The following MAPK6 variants were observed in gnomAD, a reference collection of about 807,000 sequenced individuals.
The protein encoded by MAPK6 is ERK-3.
In MAPK6, 19 loss-of-function variants were observed where a neutral mutation model predicts 59.3. That is an observed-to-expected ratio of 0.32 (90% CI 0.22 to 0.47). The LOEUF (loss-of-function observed/expected upper bound fraction) is 0.47, where lower values mean the gene tolerates loss of function less well. Among genes scored for constraint, MAPK6 ranks in the 20% least tolerant of loss-of-function variants. MAPK6 has a pLI of 1.00. For missense variants in MAPK6, 724 were observed against 847.9 expected, an observed-to-expected ratio of 0.85 and a Z score of 1.81; for synonymous variants, 316 against 290.3, an observed-to-expected ratio of 1.09 and a Z score of -0.90.
chr15:52,032,331 C>T (rs1434717492), intron 1 of MAPK6, among the ~76,000 whole-genome samples: 1 of 151,038 alleles, frequency 6.6e-6, no homozygotes, highest in African/African-American at 2.4e-5. Context: ...GCTGGGATTA[C>T]AGTCATGTGC....
At position 52,061,460 on chromosome 15, in the gene MAPK6, C is replaced by T; in HGVS notation, c.1027C>T (p.Leu343Phe). The part of the protein sequence containing the change: ...HIEDEVDDIL[L>F]MDETHSHIYN... ...TGAAGATGAAGTTGATGATATTTTG[C>T]TTATGGATGAAACTCACAGTCACAT... The change falls in exon 5 of 6, where the codon CTT becomes TTT. Residue 343 changes from leucine to phenylalanine, a missense_variant. Around this residue, in one of 4 missense-constraint regions of MAPK6, gnomAD observed 502 missense variants for 507.6 expected, o/e 0.99. Transcript: ENST00000261845. 6 of 1,613,658 alleles carry T rather than the reference C, an allele frequency of 3.7e-6. No individual in the cohort carries two copies. Among genetic ancestry groups the T allele is most frequent in the Non-Finnish European group, 5.1e-6 (6 of 1,179,674 alleles).
chr15:52,016,070 G>GCACA (rs1175427042), upstream of MAPK6, among the ~76,000 whole-genome samples: 6,860 of 55,224 alleles, frequency 0.12, 611 homozygotes, highest in Middle Eastern at 0.29. Flanking sequence ...GCGCGCGCGC[G>GCACA]CACACACACA....
chr15:52,061,346 T>A lies in MAPK6; in HGVS notation c.913T>A (p.Leu305Ile). Residue 305 changes from leucine (L) to isoleucine (I), a missense_variant, in exon 5 of 6, where the codon TTA becomes ATA. Coordinates refer to ENST00000261845, the MANE Select transcript of MAPK6 (RefSeq NM_002748.4). ...TTTGACATTTAGCCCCATGGATCGG[T>A]TAACAGCAGAAGAAGCACTCTCCCA... ...QILTFSPMDR[L>I]TAEEALSHPY... The A allele has an allele frequency of 6.2e-7, 1 of 1,614,114 alleles. No individual in the cohort carries two copies. The highest frequency in any genetic ancestry group is 8.5e-7 in the Non-Finnish European group (1 of 1,179,988).
chr15:51,987,636 C>T (rs1473274075), intron 2 of MAPK6, among the ~76,000 whole-genome samples: 4 of 151,844 alleles, frequency 2.6e-5, no homozygotes, highest in Admixed American at 2.0e-4. Context: ...ATAAAATCTA[C>T]ATACTCAGTA....
chr15:52,009,812 G>A lies in MAPK6; in HGVS notation c.-632+5410G>A, dbSNP rs370121690. 7.9e-5 allele frequency among the ~76,000 whole-genome samples: 12 copies of A among 151,732 alleles called. 1 individual carries two copies. The highest frequency in any genetic ancestry group is 1.9e-4 in the East Asian group (1 of 5,176). On this transcript the variant is annotated intron_variant, in intron 3 of 7. Coordinates refer to the MAPK6 transcript ENST00000691380. The stretch of plus-strand genomic sequence containing the variant: ...TTTTGAGACAGAGTCTTGCTCTGTC[G>A]CCCAGGCTAGAGTGCAGTGGTGCTA...
intron 2 of MAPK6, among the ~76,000 whole-genome samples, chr15:51,999,288 C>T (rs1040792939): frequency 6.6e-6 from 1 of 152,084 alleles, no homozygotes; most frequent in Non-Finnish European, 1.5e-5. Context: ...TGTGAGCCAC[C>T]GCGCCCAGCC....
chr15:52,040,346 A>G (rs2031378155), intron 1 of MAPK6, among the ~76,000 whole-genome samples: 1 of 152,194 alleles, frequency 6.6e-6, no homozygotes, highest in African/African-American at 2.4e-5. Context: ...TCACTTGACT[A>G]TGGAGAAGAG....
intron 1 of MAPK6, among the ~76,000 whole-genome samples, chr15:52,023,658 C>T (rs1052688517): frequency 1.3e-5 from 2 of 152,254 alleles, no homozygotes; most frequent in Non-Finnish European, 2.9e-5. Flanking sequence ...TGTTGCCAGG[C>T]TGGAGCGCAG....
At chr15:51,982,491 TAC>T (rs1296139234) in intron 1 of MAPK6, among the ~76,000 whole-genome samples, 8 of 152,146 alleles carry the variant, frequency 5.3e-5, no homozygotes, top group Non-Finnish European at 7.4e-5. Context: ...TAAAATGAGG[TAC>T]ACACACATAC....
intron 5 of MAPK6, among the ~76,000 whole-genome samples, chr15:52,063,430 T>A (rs112977130): frequency 4.0e-4 from 61 of 152,328 alleles, no homozygotes; most frequent in African/African-American, 1.4e-3. Context: ...ATTATACATG[T>A]CAGTAATAGG....
chr15:52,060,418 A>C (rs943660925), intron 4 of MAPK6, among the ~76,000 whole-genome samples: 1 of 152,210 alleles, frequency 6.6e-6, no homozygotes. Context: ...ATGATAAAGA[A>C]GACCGAGAGC....
intron 2 of MAPK6, 91 bp downstream of exon 2, chr15:52,047,106 A>G: frequency 1.0e-6 from 1 of 953,426 alleles, no homozygotes; most frequent in Non-Finnish European, 1.5e-6. Flanking sequence ...ATTGTGGCAG[A>G]ATTTTTAATC....
chr15:52,010,851 A>G (rs1376496649), intron 3 of MAPK6: 1 of 152,190 alleles, frequency 6.6e-6, no homozygotes, highest in East Asian at 1.9e-4. Context: ...ATCCAATTAA[A>G]TGTGGGATCC....
At chr15:52,058,589 T>C in intron 3 of MAPK6, 44 bp from the exon 4 acceptor site, 1 of 1,495,236 alleles carries the variant, frequency 6.7e-7, no homozygotes, top group Non-Finnish European at 9.0e-7. Flanking sequence ...GTGAAATAAG[T>C]AAACATTGAG....
chr15:52,019,629 T>TGGGGTCCCCGCGTGGGGCC (rs1333831246), intron 1 of MAPK6, among the ~76,000 whole-genome samples: 5 of 146,136 alleles, frequency 3.4e-5, no homozygotes, highest in African/African-American at 7.4e-5. Flanking sequence ...GGCGGCGGGC[T>TGGGGTCCCCGCGTGGGGCC]GGGGTCCCCG....
At chr15:52,040,540 A>G (rs937092377) in intron 1 of MAPK6, among the ~76,000 whole-genome samples, 3 of 152,272 alleles carry the variant, frequency 2.0e-5, no homozygotes, top group East Asian at 1.9e-4. Flanking sequence ...TTGCACATCT[A>G]GACTTCCTTT....
At chr15:52,055,359 A>G in intron 3 of MAPK6, among the ~76,000 whole-genome samples, 1 of 152,214 alleles carries the variant, frequency 6.6e-6, no homozygotes, top group East Asian at 1.9e-4. Flanking sequence ...GTGAGCTGTG[A>G]TCATGCCACT....
upstream of MAPK6, among the ~76,000 whole-genome samples, chr15:52,016,070 G>GCGCACACACACACACACA: frequency 9.0e-5 from 5 of 55,446 alleles, no homozygotes; most frequent in Non-Finnish European, 1.4e-4. Flanking sequence ...GCGCGCGCGC[G>GCGCACACACACACACACA]CACACACACA....
chr15:52,016,068 G>A (rs199887511), upstream of MAPK6, among the ~76,000 whole-genome samples: 5,481 of 35,308 alleles, frequency 0.16, 190 homozygotes, highest in African/African-American at 0.2. Context: ...GCGCGCGCGC[G>A]CGCACACACA....
Sources: gnomAD v4.1 joint callset for allele counts (sites outside exome capture counted in the v4.1 genomes callset) on GRCh38, gnomAD v4.1.1 for gene constraint, gnomAD v4.1.1 regional missense constraint, MANE v1.5 for transcripts, NCBI Gene and HGNC (gene_info 2026-07-23, HGNC 2026-07-21) for gene names.